The following GPHN variants were observed in gnomAD, a reference collection of about 807,000 sequenced individuals.
GPHN encodes gephyrin.
GPHN carries 17 observed loss-of-function variants against 95.5 expected under a neutral mutation model. The ratio of observed to expected loss-of-function variants is 0.18; its 90% confidence interval spans 0.12 to 0.27. The LOEUF is 0.27. Ranked by LOEUF, GPHN falls within the 10% of genes least tolerant of loss-of-function variation. The pLI is 1.00. For missense variants in GPHN, 660 were observed against 978.1 expected, an observed-to-expected ratio of 0.67 and a Z score of 4.34; for synonymous variants, 320 against 322.5, an observed-to-expected ratio of 0.99 and a Z score of 0.08.
rs2076481993 is a variant in GPHN at position 67,076,081 on chromosome 14, C to A, written c.1145-12902C>A. Among the ~76,000 whole-genome samples the A allele has an allele frequency of 2.0e-5, 3 of 152,020 alleles. No individual in the cohort carries two copies. In the South Asian group the frequency reaches 6.2e-4, roughly 32 times the overall value. On this transcript the variant is annotated intron_variant, in intron 11 of 22. Transcript: ENST00000478722. ...TGAAGGAAAGAGTCAATCAGTATAG[C>A]AAACTTCATTATTGTCTTATTTTAA...
the GPHN span, chr14:67,562,296 C>G: frequency 1.2e-6 from 2 of 1,613,840 alleles, no homozygotes; most frequent in Non-Finnish European, 1.7e-6. Context: ...TCCCCAGGTG[C>G]CCTGCAGAGC....
At chr14:67,172,074 T>C (rs1486807076) in intron 21 of GPHN, among the ~76,000 whole-genome samples, 1 of 152,102 alleles carries the variant, frequency 6.6e-6, no homozygotes, top group African/African-American at 2.4e-5. Context: ...CTACACCATG[T>C]TGGAATTGGA....
intron 11 of GPHN, among the ~76,000 whole-genome samples, chr14:67,069,170 A>G (rs1056034071): frequency 5.9e-5 from 9 of 152,180 alleles, no homozygotes; most frequent in South Asian, 2.1e-4. Context: ...TGTCTACCCA[A>G]TGTAGGGTTA....
intron 1 of GPHN, among the ~76,000 whole-genome samples, chr14:66,617,636 CT>C (rs1174985479): frequency 1.3e-5 from 2 of 152,148 alleles, no homozygotes; most frequent in Non-Finnish European, 2.9e-5. Context: ...CCGAACATGG[CT>C]GTTTCTACTC....
chr14:67,358,925 T>C, the GPHN span, among the ~76,000 whole-genome samples: 1 of 152,110 alleles, frequency 6.6e-6, no homozygotes, highest in South Asian at 2.1e-4. Context: ...TTTGTGGACC[T>C]TCTATGGATT....
the GPHN span, among the ~76,000 whole-genome samples, chr14:67,365,531 A>G: frequency 2.6e-5 from 4 of 152,212 alleles, no homozygotes; most frequent in Non-Finnish European, 5.9e-5. Flanking sequence ...GTTTGCATCT[A>G]CCAGATCTCG....
At chr14:66,869,624 T>A (rs1204007648) in intron 4 of GPHN, among the ~76,000 whole-genome samples, 1 of 152,208 alleles carries the variant, frequency 6.6e-6, no homozygotes, top group African/African-American at 2.4e-5. Flanking sequence ...GGTTCTCTAC[T>A]ACTCTTTGCA....
intron 2 of GPHN, among the ~76,000 whole-genome samples, chr14:66,711,888 G>C (rs561064986): frequency 1.3e-5 from 2 of 152,148 alleles, no homozygotes; most frequent in South Asian, 4.2e-4. Context: ...ATGGCTTCCA[G>C]CTTCATCCAT....
At chr14:66,836,124 C>T (rs1271034973) in intron 4 of GPHN, among the ~76,000 whole-genome samples, 6 of 131,646 alleles carry the variant, frequency 4.6e-5, no homozygotes, top group East Asian at 4.6e-4. Context: ...AAAAAGAGCC[C>T]GCATCGCCAA....
the GPHN span, among the ~76,000 whole-genome samples, chr14:67,331,072 T>C: frequency 6.6e-6 from 1 of 152,016 alleles, no homozygotes; most frequent in African/African-American, 2.4e-5. Flanking sequence ...TGAGACAGAG[T>C]CTCACTCTGT....
chr14:67,473,815 A>G, the GPHN span: 1 of 1,613,746 alleles, frequency 6.2e-7, no homozygotes, highest in Admixed American at 1.7e-5. The surrounding 1 kb of genome is among the most constrained non-coding windows in gnomAD (Gnocchi z 6.5). Flanking sequence ...TTCCAGTTCA[A>G]GTTCACCACG....
intron 17 of GPHN, among the ~76,000 whole-genome samples, chr14:67,123,562 G>C (rs530429297): frequency 5.7e-4 from 87 of 152,284 alleles, no homozygotes; most frequent in Non-Finnish European, 7.8e-4. Flanking sequence ...TGTAATCCCA[G>C]CTACTCGGGA....
At chr14:67,485,836 A>ATGC in the GPHN span, among the ~76,000 whole-genome samples, 1 of 152,196 alleles carries the variant, frequency 6.6e-6, no homozygotes, top group South Asian at 2.1e-4. Flanking sequence ...TGAGGAGGAG[A>ATGC]TGCTGCTGCT....
chr14:67,525,766 C>T, the GPHN span, among the ~76,000 whole-genome samples: 21 of 152,198 alleles, frequency 1.4e-4, no homozygotes, highest in Non-Finnish European at 2.8e-4. Flanking sequence ...TTTATTTCAA[C>T]ATTAACAATT....
intron 1 of GPHN, among the ~76,000 whole-genome samples, chr14:66,576,193 G>A (rs1035904574): frequency 6.6e-6 from 1 of 152,184 alleles, no homozygotes; most frequent in African/African-American, 2.4e-5. Flanking sequence ...GTCTCATTCT[G>A]TGGGCATGGG....
chr14:67,690,933 A>G, the GPHN span: 1 of 568,854 alleles, frequency 1.8e-6, no homozygotes, highest in East Asian at 2.9e-5. Context: ...GGCAAACCAA[A>G]TCTAAATCAC....
chr14:67,556,658 C>T, the GPHN span, among the ~76,000 whole-genome samples: 1 of 152,106 alleles, frequency 6.6e-6, no homozygotes, highest in African/African-American at 2.4e-5. Flanking sequence ...GAGGCTGAGG[C>T]GAGAGGATCT....
the GPHN span, among the ~76,000 whole-genome samples, chr14:67,496,920 C>T: frequency 6.6e-6 from 1 of 151,990 alleles, no homozygotes; most frequent in Non-Finnish European, 1.5e-5. Flanking sequence ...GCCTCAGCGT[C>T]CTGAGTAGCT....
At chr14:67,688,344 C>T in the GPHN span, among the ~76,000 whole-genome samples, 487 of 152,248 alleles carry the variant, frequency 3.2e-3, 17 homozygotes, top group East Asian at 0.08. Flanking sequence ...ATCTATACTA[C>T]GAAATACAAC....
Sources: allele counts gnomAD v4.1 joint callset (sites outside exome capture counted in the v4.1 genomes callset), GRCh38; gene constraint gnomAD v4.1.1; non-coding constraint Gnocchi (gnomAD v3.1); transcripts MANE v1.5; gene names NCBI Gene and HGNC (gene_info 2026-07-23, HGNC 2026-07-21).